The following CD96 variants were observed in gnomAD, a reference collection of about 807,000 sequenced individuals.
CD96 encodes the protein CD96 molecule, also known as T-cell surface protein tactile.
Under a neutral mutation model 71.3 loss-of-function variants are expected in CD96, and 70 were observed. That is an observed-to-expected ratio of 0.98 (90% CI 0.81 to 1.20). The LOEUF (loss-of-function observed/expected upper bound fraction) is 1.20. CD96 is among the 50% of genes most tolerant of loss of function. CD96 has a pLI of 0.00. For missense variants in CD96, 742 were observed against 677.5 expected, an observed-to-expected ratio of 1.10 and a Z score of -1.06; for synonymous variants, 248 against 233.0, an observed-to-expected ratio of 1.06 and a Z score of -0.59.
chr3:111,552,315 A>G (rs1934754213), intron 2 of CD96, among the ~76,000 whole-genome samples: 1 of 151,976 alleles, frequency 6.6e-6, no homozygotes, highest in African/African-American at 2.4e-5. Context: ...CTCTTCTGCC[A>G]TGTGGGGAGC....
At chr3:111,601,690 T>C (rs1256654930) in intron 7 of CD96, among the ~76,000 whole-genome samples, 1 of 152,184 alleles carries the variant, frequency 6.6e-6, no homozygotes, top group Non-Finnish European at 1.5e-5. Flanking sequence ...TTATTACAAC[T>C]CTATAGGAGC....
In CD96 at chr3:111,545,144, G is replaced by A. The variant is rs149258762; in HGVS notation, c.160G>A (p.Val54Met). ...CCAAACACAGACAGTAGGCTTCTTCGTGCAGATGCAATGGTCCAAGGTCAC... is the reference window on the plus strand; with the variant it reads ...CCAAACACAGACAGTAGGCTTCTTCATGCAGATGCAATGGTCCAAGGTCAC... ...TCQTQTVGFFVQMQWSKVTNK... is the reference protein window; with the variant it reads ...TCQTQTVGFFMQMQWSKVTNK... The change falls in exon 2 of 14, where the codon GTG becomes ATG. Residue 54 changes from valine to methionine, a missense_variant. Val to Met is a conservative substitution (Grantham distance 21). Coordinates refer to ENST00000352690, the MANE Select transcript of CD96 (RefSeq NM_005816.5). 341 of 1,614,114 alleles carry A rather than the reference G, an allele frequency of 2.1e-4. No individual in the cohort carries two copies. The highest frequency in any genetic ancestry group is 2.8e-4 in the Non-Finnish European group (329 of 1,180,000).
At chr3:111,603,739 G>T (rs1937551434) in intron 7 of CD96, among the ~76,000 whole-genome samples, 1 of 152,210 alleles carries the variant, frequency 6.6e-6, no homozygotes. Flanking sequence ...ATTGACAGTT[G>T]TGTAGGTGTA....
chr3:111,575,910 A>C (rs1936200785), intron 3 of CD96, among the ~76,000 whole-genome samples: 1 of 152,190 alleles, frequency 6.6e-6, no homozygotes, highest in African/African-American at 2.4e-5. Context: ...GCCATTGGGG[A>C]TTAAGTTTCA....
chr3:111,570,001 A>G (rs1347494196), intron 3 of CD96, among the ~76,000 whole-genome samples: 1 of 120,864 alleles, frequency 8.3e-6, no homozygotes, highest in Admixed American at 1.1e-4. Context: ...TATGAGGCTC[A>G]CCCTGTCTGA....
At chr3:111,583,459 C>T (rs528982821) in intron 4 of CD96, among the ~76,000 whole-genome samples, 126 of 152,316 alleles carry the variant, frequency 8.3e-4, no homozygotes, top group African/African-American at 3.0e-3. Context: ...GTCAGTGCCC[C>T]ATTAGGGACT....
intron 8 of CD96, among the ~76,000 whole-genome samples, chr3:111,609,393 C>G (rs1937791731): frequency 6.6e-6 from 1 of 151,938 alleles, no homozygotes; most frequent in African/African-American, 2.4e-5. Flanking sequence ...TTATTGAGCA[C>G]TTACTATATA....
chr3:111,659,686 G>A (rs1471968539), intron 14 of CD96, among the ~76,000 whole-genome samples: 1 of 152,150 alleles, frequency 6.6e-6, no homozygotes, highest in Non-Finnish European at 1.5e-5. Flanking sequence ...CCATAATCAA[G>A]TAGGCTTTAT....
At chr3:111,607,015 G>C in intron 8 of CD96, 1 of 584,490 alleles carries the variant, frequency 1.7e-6, no homozygotes, top group Non-Finnish European at 3.1e-6. Context: ...TCACAGACTT[G>C]TACAACCATG....
At chr3:111,638,968 G>GA (rs1383081838) in intron 12 of CD96, among the ~76,000 whole-genome samples, 3 of 150,756 alleles carry the variant, frequency 2.0e-5, no homozygotes, top group Admixed American at 6.6e-5. Context: ...CACTTGGTTG[G>GA]AAAAAAAAAT....
chr3:111,662,452 A>G (rs1267182749), intron 14 of CD96, among the ~76,000 whole-genome samples: 1 of 152,248 alleles, frequency 6.6e-6, no homozygotes, highest in African/African-American at 2.4e-5. Context: ...TGGTTGGGCT[A>G]CAAATTTTCC....
At chr3:111,583,076 A>T (rs1470468607) in intron 4 of CD96, among the ~76,000 whole-genome samples, 2 of 152,260 alleles carry the variant, frequency 1.3e-5, no homozygotes, top group South Asian at 4.1e-4. Context: ...CAAGTTAGTT[A>T]CTTTCTAGAT....
intron 1 of CD96, among the ~76,000 whole-genome samples, chr3:111,543,578 T>A (rs143667048): frequency 6.6e-6 from 1 of 152,160 alleles, no homozygotes; most frequent in Non-Finnish European, 1.5e-5. Context: ...AAATAAGTAA[T>A]AATAAAGTTT....
intron 10 of CD96, among the ~76,000 whole-genome samples, chr3:111,630,867 T>C (rs1425303322): frequency 6.6e-6 from 1 of 152,186 alleles, no homozygotes; most frequent in Non-Finnish European, 1.5e-5. Flanking sequence ...CACTAATTAA[T>C]AAATGTGATT....
chr3:111,625,914 A>T (rs564317070), intron 10 of CD96, among the ~76,000 whole-genome samples: 5 of 152,336 alleles, frequency 3.3e-5, no homozygotes, highest in African/African-American at 1.2e-4. Context: ...TCAAGAGATT[A>T]CAAAGAATGC....
At chr3:111,647,188 C>G (rs79798412) in intron 12 of CD96, among the ~76,000 whole-genome samples, 10,629 of 150,414 alleles carry the variant, frequency 0.071, 532 homozygotes, top group South Asian at 0.11. Flanking sequence ...CATAATTTAC[C>G]TATATAACAA....
chr3:111,637,376 C>A, intron 11 of CD96, 115 bp downstream of exon 11: 1 of 725,910 alleles, frequency 1.4e-6, no homozygotes, highest in Non-Finnish European at 2.6e-6. Flanking sequence ...TATAAAAGTA[C>A]ATCTTGATGA....
chr3:111,612,098 A>G (rs1937973611), intron 8 of CD96, among the ~76,000 whole-genome samples: 1 of 152,240 alleles, frequency 6.6e-6, no homozygotes, highest in Admixed American at 6.5e-5. Flanking sequence ...TGAACAACAA[A>G]TAGCCACTAT....
intron 1 of CD96, among the ~76,000 whole-genome samples, chr3:111,543,788 C>T (rs1166965250): frequency 6.6e-6 from 1 of 152,174 alleles, no homozygotes; most frequent in Non-Finnish European, 1.5e-5. Context: ...CTTACCCCAT[C>T]TCTGTCTAGC....
Sources: gnomAD v4.1 joint callset for allele counts (sites outside exome capture counted in the v4.1 genomes callset) on GRCh38, gnomAD v4.1.1 for gene constraint, MANE v1.5 for transcripts, NCBI Gene and HGNC (gene_info 2026-07-23, HGNC 2026-07-21) for gene names.